The following MBD5 variants were observed in gnomAD, a reference collection of about 807,000 sequenced individuals.
The protein encoded by MBD5 is methyl-CpG binding domain protein 5, also known as methyl-CpG-binding domain protein 5.
MBD5 carries 13 observed loss-of-function variants against 117.3 expected under a neutral mutation model. The observed-to-expected ratio is 0.11, with a 90% CI of 0.07 to 0.18. The LOEUF (loss-of-function observed/expected upper bound fraction) is 0.18. Among genes scored for constraint, MBD5 ranks in the 10% least tolerant of loss-of-function variants. The pLI is 1.00. For missense variants in MBD5, 1,879 were observed against 2,093.8 expected (o/e 0.90, Z 2.00); for synonymous variants, 727 against 766.4 (o/e 0.95, Z 0.85).
At chr2:148,199,678 T>G (rs1208686198) in intron 2 of MBD5, among the ~76,000 whole-genome samples, 1 of 151,954 alleles carries the variant, frequency 6.6e-6, no homozygotes, top group Non-Finnish European at 1.5e-5. Flanking sequence ...GAGGATCACT[T>G]AAGCCCAGGA....
chr2:148,343,023 C>A (rs139627843), intron 4 of MBD5, among the ~76,000 whole-genome samples: 88 of 151,964 alleles, frequency 5.8e-4, no homozygotes, highest in Non-Finnish European at 9.1e-4. Flanking sequence ...TGAGAACATG[C>A]GATATTTGGT....
chr2:148,495,614 T>C (rs967871547), intron 11 of MBD5, among the ~76,000 whole-genome samples: 1 of 152,140 alleles, frequency 6.6e-6, no homozygotes, highest in African/African-American at 2.4e-5. Context: ...AGACACCTGA[T>C]TACCAAAAAA....
At chr2:148,123,314 A>T (rs1254049898) in intron 1 of MBD5, among the ~76,000 whole-genome samples, 3 of 152,250 alleles carry the variant, frequency 2.0e-5, no homozygotes, top group Non-Finnish European at 4.4e-5. Flanking sequence ...AATTGACATG[A>T]AGAGATTAGA....
intron 4 of MBD5, among the ~76,000 whole-genome samples, chr2:148,447,195 G>GAAAGAA (rs1706576649): frequency 1.0e-4 from 1 of 9,534 alleles, no homozygotes; most frequent in African/African-American, 1.2e-4. Context: ...AAGAAAGAAA[G>GAAAGAA]AAAGAAAGAA....
At chr2:148,457,175 A>G (rs1217080966) in intron 4 of MBD5, among the ~76,000 whole-genome samples, 1 of 152,168 alleles carries the variant, frequency 6.6e-6, no homozygotes, top group Non-Finnish European at 1.5e-5. Flanking sequence ...TTCAGAGTAT[A>G]TCATCTTCAC....
chr2:148,136,199 G>T (rs559819248), intron 1 of MBD5, among the ~76,000 whole-genome samples: 2 of 152,182 alleles, frequency 1.3e-5, no homozygotes, highest in South Asian at 4.2e-4. Context: ...AACTTTTTCA[G>T]AAAACTACAG....
At chr2:148,149,830 C>A (rs1036236054) in intron 1 of MBD5, among the ~76,000 whole-genome samples, 1 of 151,058 alleles carries the variant, frequency 6.6e-6, no homozygotes, top group Admixed American at 6.6e-5. Context: ...ATTGTAGATC[C>A]TGGATATTAG....
intron 3 of MBD5, among the ~76,000 whole-genome samples, chr2:148,247,989 A>G (rs1057432643): frequency 6.6e-6 from 1 of 152,176 alleles, no homozygotes; most frequent in Non-Finnish European, 1.5e-5. Flanking sequence ...AGAGGCTAAA[A>G]CAAACAAACA....
At chr2:148,423,727 A>G (rs191074964) in intron 4 of MBD5, among the ~76,000 whole-genome samples, 3 of 152,294 alleles carry the variant, frequency 2.0e-5, no homozygotes, top group African/African-American at 7.2e-5. Context: ...AAACAGACTA[A>G]GTGCCCCAAT....
intron 4 of MBD5, among the ~76,000 whole-genome samples, chr2:148,372,417 G>A (rs534992591): frequency 3.7e-4 from 56 of 151,856 alleles, no homozygotes; most frequent in African/African-American, 1.3e-3. Flanking sequence ...CCACACAATC[G>A]ACCTTTTCAG....
rs751643247 is a variant in MBD5 at position 148,490,476 on chromosome 2, C to T, written c.4844C>T (p.Thr1615Met). 5 of 1,614,160 alleles carry T rather than the reference C, an allele frequency of 3.1e-6. No individual in the cohort carries two copies. The highest frequency in any genetic ancestry group is 2.2e-5 in the East Asian group (1 of 44,874). ...SNELIHYRPRTFNVGDLVWGQ... is the reference protein window; with the variant it reads ...SNELIHYRPRMFNVGDLVWGQ... ...GAATTGATACATTATAGACCAAGGA[C>T]GTTCAATGTTGGCGACTTGGTCTGG... Residue 1615 changes from threonine to methionine, a missense_variant, in exon 11 of 14, where the codon ACG becomes ATG. By Grantham distance (81) the Thr-to-Met change is moderately conservative. Around this residue, in one of 4 missense-constraint regions of MBD5, gnomAD observed 135 missense variants for 148.0 expected, o/e 0.91. Coordinates refer to ENST00000642680, the MANE Select transcript of MBD5 (RefSeq NM_001378120.1).
Position 148,469,394 on chromosome 2 carries a change from G to C in MBD5, c.1451G>C (p.Ser484Thr), listed in dbSNP as rs769691795. Residue 484 changes from serine (S) to threonine (T), a missense_variant, in exon 8 of 14, where the codon AGT (serine) becomes ACT (threonine). By Grantham distance (58) the Ser-to-Thr change is moderately conservative. Coordinates refer to ENST00000642680, the MANE Select transcript of MBD5 (RefSeq NM_001378120.1). ...MPPVGPQATSSGIKVPPRSPR... is the reference protein window; with the variant it reads ...MPPVGPQATSTGIKVPPRSPR... The stretch of plus-strand genomic sequence containing the variant: ...CCTGTAGGACCCCAGGCCACTTCTA[G>C]TGGTATTAAGGTTCCACCCAGGTCA... 1.9e-6 allele frequency: 3 copies of C among 1,613,782 alleles called. No individual in the cohort carries two copies. Among genetic ancestry groups the C allele is most frequent in the Non-Finnish European group, 2.5e-6 (3 of 1,179,924 alleles).
At chr2:148,037,684 A>T (rs1054633893) in intron 1 of MBD5, among the ~76,000 whole-genome samples, 1 of 152,088 alleles carries the variant, frequency 6.6e-6, no homozygotes, top group South Asian at 2.1e-4. Context: ...TGCAGTTAGG[A>T]AAAATGCATT....
intron 4 of MBD5, among the ~76,000 whole-genome samples, chr2:148,353,998 G>A (rs989468060): frequency 1.3e-5 from 2 of 151,978 alleles, no homozygotes; most frequent in African/African-American, 4.8e-5. Context: ...GAGGATATTA[G>A]TACACCCACC....
At chr2:148,445,539 T>A (rs1043635782) in intron 4 of MBD5, among the ~76,000 whole-genome samples, 9 of 151,392 alleles carry the variant, frequency 5.9e-5, no homozygotes, top group Non-Finnish European at 8.8e-5. Context: ...TCTATCATTG[T>A]TGGACATTTG....
In MBD5 at chr2:148,489,981, A is replaced by T. The variant is rs1211448173; in HGVS notation, c.4349A>T (p.Asp1450Val). The T allele has an allele frequency of 6.2e-7, 1 of 1,613,986 alleles. No homozygotes were observed. Among genetic ancestry groups the T allele is most frequent in the South Asian group, 1.1e-5 (1 of 91,048 alleles). ...RNRWKYEEFL[D>V]HPGHIHSSPC... is the part of the protein sequence containing the mutation. ...AGGTGGAAGTACGAGGAATTTTTAG[A>T]TCATCCAGGCCATATCCACAGTAGT... Residue 1450 changes from aspartate (D) to valine (V), a missense_variant, in exon 11 of 14, where the codon GAT (aspartate) becomes GTT (valine). Coordinates refer to ENST00000642680, the MANE Select transcript of MBD5 (RefSeq NM_001378120.1).
At chr2:148,059,038 A>C (rs1244605506) in intron 1 of MBD5, among the ~76,000 whole-genome samples, 2 of 152,178 alleles carry the variant, frequency 1.3e-5, no homozygotes, top group African/African-American at 4.8e-5. Context: ...ATAACTACTT[A>C]CTTGAATGTG....
chr2:148,057,531 T>C (rs940824827), intron 1 of MBD5, among the ~76,000 whole-genome samples: 3 of 151,894 alleles, frequency 2.0e-5, no homozygotes, highest in African/African-American at 7.2e-5. Context: ...TATTATTGAT[T>C]TCTATGTACA....
chr2:148,483,601 C>G lies in MBD5; in HGVS notation c.3010C>G (p.Pro1004Ala). ...QNQAQAAAML[P>A]LPSFNLTISD... ...CCAAGCCCAAGCAGCTGCCATGCTTCCCCTGCCATCTTTCAATCTGACCAT... is the reference window on the plus strand; with the variant it reads ...CCAAGCCCAAGCAGCTGCCATGCTTGCCCTGCCATCTTTCAATCTGACCAT... Residue 1004 changes from proline (P) to alanine (A), a missense_variant, in exon 9 of 14, where the codon CCC becomes GCC. Physicochemically the swap from Pro to Ala is conservative, Grantham distance 27. Coordinates refer to ENST00000642680, the MANE Select transcript of MBD5 (RefSeq NM_001378120.1). 1.9e-6 allele frequency: 3 copies of G among 1,554,636 alleles called. No individual in the cohort carries two copies. The highest frequency in any genetic ancestry group is 2.6e-6 in the Non-Finnish European group (3 of 1,148,890).
Sources: allele counts gnomAD v4.1 joint callset (sites outside exome capture counted in the v4.1 genomes callset), GRCh38; gene constraint gnomAD v4.1.1; regional missense constraint gnomAD v4.1.1; transcripts MANE v1.5; gene names NCBI Gene and HGNC (gene_info 2026-07-23, HGNC 2026-07-21).